The following ZNF536 variants were observed in gnomAD, a reference collection of about 807,000 sequenced individuals.
ZNF536 encodes zinc finger protein 536.
Under a neutral mutation model 84.5 loss-of-function variants are expected in ZNF536, and 13 were observed. The ratio of observed to expected loss-of-function variants is 0.15; its 90% CI spans 0.10 to 0.24. ZNF536 has a LOEUF of 0.24. ZNF536 is among the 10% of genes least tolerant of loss of function. The probability of loss-of-function intolerance (pLI) is 1.00; values close to 1 mark genes in which losing one functional copy is unlikely to be tolerated. For missense variants in ZNF536, 1,536 were observed against 1,747.5 expected, an observed-to-expected ratio of 0.88 and a Z score of 2.16; for synonymous variants, 811 against 742.5, an observed-to-expected ratio of 1.09 and a Z score of -1.50.
chr19:30,517,903 G>A (rs1162726485), intron 2 of ZNF536, among the ~76,000 whole-genome samples: 1 of 152,174 alleles, frequency 6.6e-6, no homozygotes, highest in Non-Finnish European at 1.5e-5. Context: ...ATGATTTGGG[G>A]GTGCAAACAG....
intron 1 of ZNF536, among the ~76,000 whole-genome samples, chr19:30,587,938 G>GT (rs2047152747): frequency 6.6e-6 from 1 of 152,246 alleles, no homozygotes; most frequent in Non-Finnish European, 1.5e-5. Flanking sequence ...AGGCACTTCT[G>GT]TTTACTAACG....
At chr19:30,569,889 C>T (rs957407410) in intron 1 of ZNF536, among the ~76,000 whole-genome samples, 1 of 152,120 alleles carries the variant, frequency 6.6e-6, no homozygotes, top group Admixed American at 6.5e-5. Flanking sequence ...CTTGAACCCT[C>T]TGTCCACAAC....
At chr19:30,681,705 C>T (rs985985145) in intron 1 of ZNF536, among the ~76,000 whole-genome samples, 2 of 152,170 alleles carry the variant, frequency 1.3e-5, no homozygotes, top group African/African-American at 4.8e-5. Flanking sequence ...GTTTACCAGG[C>T]GGGAGGCTGG....
At chr19:30,432,632 C>T (rs537157738) in intron 1 of ZNF536, among the ~76,000 whole-genome samples, 4 of 152,260 alleles carry the variant, frequency 2.6e-5, no homozygotes, top group South Asian at 4.1e-4. Context: ...TTCTCATGCA[C>T]GCGGAGCCCT....
chr19:30,668,991 G>A (rs1486936906), intron 1 of ZNF536, among the ~76,000 whole-genome samples: 11 of 152,216 alleles, frequency 7.2e-5, no homozygotes, highest in Admixed American at 7.2e-4. Flanking sequence ...AGTGGGCAGC[G>A]GGGGCAAGGG....
chr19:30,461,135 A>G (rs962144520), intron 2 of ZNF536, among the ~76,000 whole-genome samples: 10 of 152,122 alleles, frequency 6.6e-5, no homozygotes, highest in Non-Finnish European at 1.2e-4. Context: ...ATCACTGGGA[A>G]TCTGCCCTCC....
At chr19:30,543,747 C>T (rs10410827) in intron 3 of ZNF536, among the ~76,000 whole-genome samples, 3,152 of 152,266 alleles carry the variant, frequency 0.021, 105 homozygotes, top group African/African-American at 0.072. Flanking sequence ...TGGTTGCTGC[C>T]CCACCCCGTC....
intron 1 of ZNF536, among the ~76,000 whole-genome samples, chr19:30,413,689 C>T (rs1341624560): frequency 5.3e-5 from 8 of 152,112 alleles, no homozygotes; most frequent in East Asian, 3.8e-4. Context: ...TTACATTACC[C>T]GCTTTTGCAT....
intron 2 of ZNF536, among the ~76,000 whole-genome samples, chr19:30,508,779 G>A (rs1031352749): frequency 1.3e-5 from 2 of 150,434 alleles, no homozygotes; most frequent in East Asian, 3.9e-4. Flanking sequence ...ACATTTGTGG[G>A]TGTGGGCACC....
intron 1 of ZNF536, among the ~76,000 whole-genome samples, chr19:30,275,859 G>T (rs1406737485): frequency 6.8e-6 from 1 of 148,146 alleles, no homozygotes; most frequent in Non-Finnish European, 1.5e-5. Flanking sequence ...GTGTGTGTGT[G>T]TAAATACATA....
At chr19:30,439,341 G>A (rs1002776767) in intron 1 of ZNF536, among the ~76,000 whole-genome samples, 1 of 152,172 alleles carries the variant, frequency 6.6e-6, no homozygotes, top group Non-Finnish European at 1.5e-5. Context: ...GAAGGTCCCT[G>A]GCAAATATTG....
At chr19:30,290,140 A>C (rs1351866474) in intron 2 of ZNF536, among the ~76,000 whole-genome samples, 1 of 152,202 alleles carries the variant, frequency 6.6e-6, no homozygotes, top group Non-Finnish European at 1.5e-5. Flanking sequence ...ACATTTTATG[A>C]CTGGCTTATT....
chr19:30,361,508 G>T (rs947961958), intron 3 of ZNF536, among the ~76,000 whole-genome samples: 2 of 151,986 alleles, frequency 1.3e-5, no homozygotes, highest in African/African-American at 4.8e-5. Flanking sequence ...TTAGAGATTT[G>T]GGGGGCTTTG....
chr19:30,426,009 C>T (rs1383795073), intron 1 of ZNF536, among the ~76,000 whole-genome samples: 1 of 152,100 alleles, frequency 6.6e-6, no homozygotes, highest in Non-Finnish European at 1.5e-5. Flanking sequence ...TTCAGGGTTC[C>T]CCTCCCAGCA....
chr19:30,509,417 ATAT>A (rs201462453), intron 2 of ZNF536, among the ~76,000 whole-genome samples: 4,763 of 147,866 alleles, frequency 0.032, 102 homozygotes, highest in South Asian at 0.11. Context: ...TATGTATAAC[ATAT>A]TATAATATAT....
chr19:30,580,250 C>T (rs1011136782), intron 1 of ZNF536, among the ~76,000 whole-genome samples: 5 of 152,204 alleles, frequency 3.3e-5, no homozygotes, highest in Non-Finnish European at 5.9e-5. Flanking sequence ...GTACCCTACT[C>T]GGAGTTCTAG....
chr19:30,260,992 G>C (rs2025178259), intron 1 of ZNF536, among the ~76,000 whole-genome samples: 1 of 152,162 alleles, frequency 6.6e-6, no homozygotes, highest in Admixed American at 6.5e-5. Flanking sequence ...GATATCTAAA[G>C]ACCTATTAGA....
intron 1 of ZNF536, among the ~76,000 whole-genome samples, chr19:30,626,228 TAA>T (rs1412960931): frequency 1.3e-5 from 2 of 152,228 alleles, no homozygotes; most frequent in Admixed American, 1.3e-4. Flanking sequence ...TATGAGGGGA[TAA>T]ATCCCACGTC....
intron 1 of ZNF536, among the ~76,000 whole-genome samples, chr19:30,620,368 ACAC>A (rs2048440847): frequency 6.6e-6 from 1 of 152,096 alleles, no homozygotes; most frequent in African/African-American, 2.4e-5. Context: ...ACACACACAC[ACAC>A]AAATACAAAA....
Sources: gnomAD v4.1 joint callset for allele counts (sites outside exome capture counted in the v4.1 genomes callset) on GRCh38, gnomAD v4.1.1 for gene constraint, MANE v1.5 for transcripts, NCBI Gene and HGNC (gene_info 2026-07-23, HGNC 2026-07-21) for gene names.